The following EXOSC4 variants were observed in gnomAD, a reference collection of about 807,000 sequenced individuals.
EXOSC4 encodes exosome component 4.
Under a neutral mutation model 20.0 loss-of-function variants are expected in EXOSC4, and 14 were observed. The ratio of observed to expected loss-of-function variants is 0.70; its 90% CI spans 0.46 to 1.09. The LOEUF (loss-of-function observed/expected upper bound fraction) is 1.09. Ranked by LOEUF, EXOSC4 falls within the 50% of genes least tolerant of loss-of-function variation. The pLI is 0.00. For missense variants in EXOSC4, 337 were observed against 334.0 expected (o/e 1.01, Z -0.07); for synonymous variants, 148 against 146.4 (o/e 1.01, Z -0.08).
the EXOSC4 span, among the ~76,000 whole-genome samples, chr8:144,069,973 G>A: frequency 6.6e-6 from 1 of 152,250 alleles, no homozygotes; most frequent in African/African-American, 2.4e-5. Flanking sequence ...AGCTGCAGCA[G>A]TCCTTGAAAC....
At chr8:144,073,203 A>G in the EXOSC4 span, among the ~76,000 whole-genome samples, 1 of 152,032 alleles carries the variant, frequency 6.6e-6, no homozygotes. Flanking sequence ...TACATGGTGA[A>G]ACCCCATCTC....
upstream of EXOSC4, among the ~76,000 whole-genome samples, chr8:144,075,599 C>T (rs1422700837): frequency 6.6e-6 from 1 of 152,110 alleles, no homozygotes. Context: ...TCTTGAACTC[C>T]TAGGCTCAAG....
chr8:144,067,583 C>T, the EXOSC4 span, among the ~76,000 whole-genome samples: 1 of 152,192 alleles, frequency 6.6e-6, no homozygotes, highest in Non-Finnish European at 1.5e-5. Context: ...GAACACCTGA[C>T]TCCTCAGAAG....
chr8:144,079,665 T>G, intron 1 of EXOSC4: 1 of 606,718 alleles, frequency 1.6e-6, no homozygotes, highest in South Asian at 1.6e-5. Context: ...GTAAGGTAGT[T>G]AGGATTTGAG....
chr8:144,075,522 G>A (rs1835829126), upstream of EXOSC4, among the ~76,000 whole-genome samples: 1 of 152,050 alleles, frequency 6.6e-6, no homozygotes, highest in Non-Finnish European at 1.5e-5. Flanking sequence ...CACCGCGCCC[G>A]GCCCATGTCC....
upstream of EXOSC4, chr8:144,078,657 G>C: frequency 4.5e-6 from 6 of 1,338,702 alleles, no homozygotes; most frequent in Non-Finnish European, 4.8e-6. This position sits in a 1 kb window ranked among gnomAD's most constrained non-coding sequence, Gnocchi z 4.7. Context: ...CGGGCGGTCG[G>C]AGCCGCCGGG....
At chr8:144,067,676 T>C in the EXOSC4 span, among the ~76,000 whole-genome samples, 1 of 152,004 alleles carries the variant, frequency 6.6e-6, no homozygotes, top group East Asian at 1.9e-4. Flanking sequence ...CTTTTGAAAA[T>C]GAAGGTGAAA....
At chr8:144,076,264 C>T (rs1343667311), upstream of EXOSC4, among the ~76,000 whole-genome samples, 3 of 152,204 alleles carry the variant, frequency 2.0e-5, no homozygotes, top group Admixed American at 6.5e-5. Context: ...GGCCAGCTCA[C>T]GCCTGATTTC....
chr8:144,078,742 A>G lies in EXOSC4; in HGVS notation c.14A>G (p.Glu5Gly). Residue 5 changes from glutamate (E) to glycine (G), a missense_variant, in exon 1 of 3, where the codon GAG becomes GGG. Glu to Gly is a moderately conservative substitution (Grantham distance 98). Transcript: ENST00000316052. This position sits in a 1 kb window ranked among gnomAD's most constrained non-coding sequence, Gnocchi z 4.7. ...CGGCCGGGCAGCATGGCGGGGCTGG[A>G]GCTCTTGTCGGACCAGGGCTACCGG... MAGLELLSDQGYRVD... is the reference protein window; with the variant it reads MAGLGLLSDQGYRVD... 1 of 1,470,444 alleles carries G rather than the reference A, an allele frequency of 6.8e-7. No homozygotes were observed. The highest frequency in any genetic ancestry group is 2.8e-5 in the East Asian group (1 of 36,152). The allele number at this position is 1,470,444 out of a possible 1,614,324, so 91.1% of individuals were successfully genotyped here. A position where few individuals can be genotyped will look rare whatever the true frequency, so the allele number is the denominator to read the frequency against.
At chr8:144,066,397 G>C in the EXOSC4 span, among the ~76,000 whole-genome samples, 2 of 151,280 alleles carry the variant, frequency 1.3e-5, no homozygotes, top group Non-Finnish European at 2.9e-5. Context: ...TGGGATTACA[G>C]GTGTGAGCCA....
At chr8:144,070,928 C>T in the EXOSC4 span, among the ~76,000 whole-genome samples, 1 of 151,724 alleles carries the variant, frequency 6.6e-6, no homozygotes, top group Non-Finnish European at 1.5e-5. Flanking sequence ...TGGTGGTGAG[C>T]GCTAAACTAG....
At chr8:144,068,948 G>A in the EXOSC4 span, among the ~76,000 whole-genome samples, 4 of 152,242 alleles carry the variant, frequency 2.6e-5, no homozygotes, top group Admixed American at 6.5e-5. Context: ...AGTGAGACGC[G>A]GTGGCAGGGC....
At chr8:144,072,563 C>T in the EXOSC4 span, among the ~76,000 whole-genome samples, 126 of 152,294 alleles carry the variant, frequency 8.3e-4, no homozygotes, top group African/African-American at 2.4e-3. Context: ...AACATACACA[C>T]GCACCATTCC....
At chr8:144,073,966 G>C (rs782125173), upstream of EXOSC4, among the ~76,000 whole-genome samples, 5 of 152,168 alleles carry the variant, frequency 3.3e-5, no homozygotes, top group South Asian at 2.1e-4. Context: ...TAGTGGCACA[G>C]TCTGCTGAAG....
At chr8:144,066,916 C>T in the EXOSC4 span, among the ~76,000 whole-genome samples, 1 of 151,912 alleles carries the variant, frequency 6.6e-6, no homozygotes, top group African/African-American at 2.4e-5. Context: ...GAAGAAACCC[C>T]GTCTCTATTA....
the EXOSC4 span, among the ~76,000 whole-genome samples, chr8:144,067,868 T>C: frequency 6.6e-6 from 1 of 152,190 alleles, no homozygotes; most frequent in Non-Finnish European, 1.5e-5. Flanking sequence ...TAGCCGGGCA[T>C]GGTGGCAGAT....
At chr8:144,070,054 G>A in the EXOSC4 span, among the ~76,000 whole-genome samples, 1 of 152,252 alleles carries the variant, frequency 6.6e-6, no homozygotes, top group Non-Finnish European at 1.5e-5. Context: ...GTTTATGTGT[G>A]GGTTTAAGGC....
chr8:144,075,347 C>G (rs973471705), upstream of EXOSC4, among the ~76,000 whole-genome samples: 1 of 152,158 alleles, frequency 6.6e-6, no homozygotes, highest in Non-Finnish European at 1.5e-5. Context: ...CTGCCTCAGC[C>G]TCCCGAGTAG....
At chr8:144,070,891 G>A in the EXOSC4 span, among the ~76,000 whole-genome samples, 29 of 152,078 alleles carry the variant, frequency 1.9e-4, no homozygotes, top group African/African-American at 6.3e-4. Context: ...ATTGGCTTGG[G>A]GAGGTTAAAT....
Sources: gnomAD v4.1 joint callset for allele counts (sites outside exome capture counted in the v4.1 genomes callset) on GRCh38, gnomAD v4.1.1 for gene constraint, Gnocchi (gnomAD v3.1) non-coding constraint, MANE v1.5 for transcripts, NCBI Gene and HGNC (gene_info 2026-07-23, HGNC 2026-07-21) for gene names.